ITGA8: variants seen among roughly 807,000 people sequenced by gnomAD.
The protein encoded by ITGA8 is integrin alpha-8.
Under a neutral mutation model 142.3 loss-of-function variants are expected in ITGA8, and 91 were observed. That is an observed-to-expected ratio of 0.64 (90% CI 0.54 to 0.76). The LOEUF (loss-of-function observed/expected upper bound fraction) is 0.76, where lower values mean the gene tolerates loss of function less well. Among genes scored for constraint, ITGA8 ranks in the 30% least tolerant of loss-of-function variants. ITGA8 has a pLI of 0.00. For missense variants in ITGA8, 1,406 were observed against 1,327.7 expected (o/e 1.06, Z -0.92); for synonymous variants, 505 against 485.2 (o/e 1.04, Z -0.54).
At chr10:15,562,744 G>A (rs1370305576) in intron 25 of ITGA8, among the ~76,000 whole-genome samples, 1 of 152,214 alleles carries the variant, frequency 6.6e-6, no homozygotes, top group African/African-American at 2.4e-5. Flanking sequence ...ATGGACCGGA[G>A]GGTAGGCCTT....
At chr10:15,593,524 C>T (rs1832959496) in intron 21 of ITGA8, among the ~76,000 whole-genome samples, 1 of 152,196 alleles carries the variant, frequency 6.6e-6, no homozygotes, top group Admixed American at 6.5e-5. Flanking sequence ...TGCAAGCTAA[C>T]TTTCAAATCT....
rs1363239129 is a variant in ITGA8 at position 15,660,752 on chromosome 10, G to C, written c.891+127C>G. 5 of 733,200 alleles carry C rather than the reference G, an allele frequency of 6.8e-6. No homozygotes were observed. The East Asian group carries it at 1.1e-4, about 16-fold the overall frequency. 45.4% of individuals were successfully genotyped at this position (733,200 alleles called of 1,614,324 possible). A position where few individuals can be genotyped will look rare whatever the true frequency, so the allele number is the denominator to read the frequency against. ...GTAAGCTATGATGTTCGGTGGATTA[G>C]GTGTATTAAGTGTGTTTTCAACTGA... On this transcript the variant is annotated intron_variant, in intron 9 of 29. Coordinates refer to ENST00000378076, the MANE Select transcript of ITGA8 (RefSeq NM_003638.3).
chr10:15,636,762 T>C lies in ITGA8; in HGVS notation c.1399+7268A>G, dbSNP rs567153019. 3.9e-4 allele frequency among the ~76,000 whole-genome samples: 59 copies of C among 152,342 alleles called. No individual in the cohort carries two copies. The Middle Eastern group carries it at 0.014, about 35-fold the overall frequency. On this transcript the variant is annotated intron_variant, in intron 13 of 29. Coordinates refer to ENST00000378076, the MANE Select transcript of ITGA8 (RefSeq NM_003638.3). ...TGTCATTACCATACTTCAGGCCAAA[T>C]TTAAATGAATTTAAATATTTTTAAA...
At chr10:15,654,368 G>T (rs1034211389) in intron 11 of ITGA8, among the ~76,000 whole-genome samples, 1 of 152,274 alleles carries the variant, frequency 6.6e-6, no homozygotes, top group African/African-American at 2.4e-5. Flanking sequence ...TGAAGTTATG[G>T]ATTTCTCTGC....
At chr10:15,529,623 A>T (rs1833251610) in intron 28 of ITGA8, among the ~76,000 whole-genome samples, 1 of 152,196 alleles carries the variant, frequency 6.6e-6, no homozygotes, top group South Asian at 2.1e-4. Flanking sequence ...AAGTCTTAGC[A>T]TGTATGTATT....
chr10:15,710,146 A>T (rs954375739), intron 2 of ITGA8, among the ~76,000 whole-genome samples: 1 of 152,222 alleles, frequency 6.6e-6, no homozygotes, highest in Admixed American at 6.5e-5. Context: ...AAAAAAATGC[A>T]TGAGAAAAAA....
rs183517887 is a variant in ITGA8 at position 15,558,683 on chromosome 10, G to A, written c.2638-481C>T. ...GTGGTCAAAGACCCCACATCCACAT[G>A]GCTGAACCCCACGTTCCTGCACTCC... On this transcript the variant is annotated intron_variant, in intron 25 of 29. Transcript: ENST00000378076. 8.7e-4 allele frequency among the ~76,000 whole-genome samples: 133 copies of A among 152,236 alleles called. 1 individual carries two copies. The East Asian group carries it at 0.02, about 23-fold the overall frequency.
intron 17 of ITGA8, among the ~76,000 whole-genome samples, chr10:15,607,134 T>C (rs1833210061): frequency 6.6e-6 from 1 of 152,204 alleles, no homozygotes; most frequent in Non-Finnish European, 1.5e-5. Flanking sequence ...GAGACAGTTA[T>C]CACAACCTCA....
At chr10:15,674,484 C>A (rs921685202) in intron 6 of ITGA8, among the ~76,000 whole-genome samples, 1 of 152,246 alleles carries the variant, frequency 6.6e-6, no homozygotes, top group African/African-American at 2.4e-5. Flanking sequence ...AGAAAACCTT[C>A]CGTAAATATA....
At position 15,592,248 on chromosome 10, in the gene ITGA8, A is replaced by C. The variant is rs751842626; in HGVS notation, c.2268T>G (p.Ile756Met). The change falls in exon 22 of 30, where the codon ATT becomes ATG. Residue 756 changes from isoleucine to methionine, a missense_variant. Transcript: ENST00000378076. ...ACCTTCTGATTTGGAGATCGAAGTT[A>C]ATGCTCATGTTTGTTTTCTCAAGAC... is the stretch of plus-strand genomic sequence containing the variant. ...VPRLEKTNMSINFDLQIRSSN... is the reference protein window; with the variant it reads ...VPRLEKTNMSMNFDLQIRSSN... The C allele has an allele frequency of 6.2e-7, 1 of 1,613,522 alleles. No individual in the cohort carries two copies. The highest frequency in any genetic ancestry group is 1.3e-5 in the African/African-American group (1 of 74,916).
intron 8 of ITGA8, among the ~76,000 whole-genome samples, chr10:15,662,220 C>G (rs1834301279): frequency 6.7e-6 from 1 of 150,060 alleles, no homozygotes; most frequent in African/African-American, 2.5e-5. Flanking sequence ...TGCTTGGGGT[C>G]TAAGGCAAGT....
chr10:15,629,086 C>T (rs756001666), intron 13 of ITGA8, among the ~76,000 whole-genome samples: 2 of 151,822 alleles, frequency 1.3e-5, no homozygotes, highest in Admixed American at 6.6e-5. Flanking sequence ...ACTGCCTACT[C>T]GTACTCCTGG....
chr10:15,593,384 A>G (rs567549353), intron 21 of ITGA8, among the ~76,000 whole-genome samples: 1 of 152,302 alleles, frequency 6.6e-6, no homozygotes, highest in South Asian at 2.1e-4. Flanking sequence ...TGTAATCCCA[A>G]AAAGCACTCT....
At chr10:15,698,982 T>C (rs1313784977) in intron 2 of ITGA8, among the ~76,000 whole-genome samples, 1 of 152,202 alleles carries the variant, frequency 6.6e-6, no homozygotes, top group Non-Finnish European at 1.5e-5. Context: ...ATAAAGTCTT[T>C]GCCTAAGAAA....
chr10:15,697,068 A>ACACACACACACACACACACAC (rs1564414009), intron 2 of ITGA8, among the ~76,000 whole-genome samples: 55 of 42,470 alleles, frequency 1.3e-3, no homozygotes, highest in African/African-American at 3.3e-3. Flanking sequence ...CACACACACA[A>ACACACACACACACACACACAC]GAAATAGTAT....
At chr10:15,642,462 C>G (rs139384690) in intron 13 of ITGA8, among the ~76,000 whole-genome samples, 1 of 152,080 alleles carries the variant, frequency 6.6e-6, no homozygotes, top group African/African-American at 2.4e-5. Context: ...AATTGTTTAC[C>G]TAAAATGCAA....
chr10:15,543,086 C>A (rs1833603778), intron 27 of ITGA8, among the ~76,000 whole-genome samples: 1 of 152,136 alleles, frequency 6.6e-6, no homozygotes, highest in Non-Finnish European at 1.5e-5. Context: ...TTGTGAGCTA[C>A]CTATAGAATC....
chr10:15,567,780 G>A (rs1834105097), intron 25 of ITGA8, among the ~76,000 whole-genome samples: 1 of 152,174 alleles, frequency 6.6e-6, no homozygotes, highest in South Asian at 2.1e-4. Context: ...AGCTCACCCA[G>A]CCCTTCCTGA....
chr10:15,553,925 G>T (rs200349330), intron 26 of ITGA8, among the ~76,000 whole-genome samples: 1 of 151,986 alleles, frequency 6.6e-6, no homozygotes, highest in Non-Finnish European at 1.5e-5. Context: ...CCCAGGAGGC[G>T]GAGGTTGCAG....
Sources: allele counts gnomAD v4.1 joint callset (sites outside exome capture counted in the v4.1 genomes callset), GRCh38; gene constraint gnomAD v4.1.1; transcripts MANE v1.5; gene names NCBI Gene and HGNC (gene_info 2026-07-23, HGNC 2026-07-21).